CTNNA2: variants seen among roughly 807,000 people sequenced by gnomAD.
The protein encoded by CTNNA2 is catenin alpha 2.
CTNNA2 carries 42 observed loss-of-function variants against 101.0 expected under a neutral mutation model. That is an observed-to-expected ratio of 0.42 (90% CI 0.32 to 0.54). The LOEUF is 0.54. CTNNA2 is among the 20% of genes least tolerant of loss of function. CTNNA2 has a pLI of 0.14. For synonymous variants in CTNNA2, 450 were observed against 456.4 expected, an observed-to-expected ratio of 0.99 and a Z score of 0.18; for missense variants, 871 against 1,223.1, an observed-to-expected ratio of 0.71 and a Z score of 4.29.
chr2:79,672,910 G>A (rs571687225), intron 2 of CTNNA2, among the ~76,000 whole-genome samples: 5 of 151,980 alleles, frequency 3.3e-5, no homozygotes, highest in South Asian at 2.1e-4. Flanking sequence ...AGGTTTCCAT[G>A]TAGGCCAGGC....
intron 2 of CTNNA2, among the ~76,000 whole-genome samples, chr2:79,272,074 C>A (rs1041437690): frequency 6.6e-6 from 1 of 151,968 alleles, no homozygotes; most frequent in African/African-American, 2.4e-5. Flanking sequence ...GCCAACTATG[C>A]CTTAGGTCCT....
At chr2:79,269,083 T>A (rs745660824) in intron 2 of CTNNA2, among the ~76,000 whole-genome samples, 1 of 152,108 alleles carries the variant, frequency 6.6e-6, no homozygotes, top group Admixed American at 6.6e-5. Flanking sequence ...TAGAAATTGA[T>A]GCTGGACTGC....
chr2:79,835,418 T>G (rs542051824), intron 3 of CTNNA2, among the ~76,000 whole-genome samples: 2 of 152,274 alleles, frequency 1.3e-5, no homozygotes, highest in South Asian at 4.2e-4. Context: ...CGTTGAGTCT[T>G]CTTTTAGAAG....
chr2:79,488,337 A>T (rs1199865913), intron 4 of CTNNA2, among the ~76,000 whole-genome samples: 8 of 151,056 alleles, frequency 5.3e-5, no homozygotes, highest in African/African-American at 2.0e-4. Flanking sequence ...AAAAAAAAAA[A>T]AAAAAACACA....
intron 2 of CTNNA2, among the ~76,000 whole-genome samples, chr2:79,277,214 C>A (rs556961009): frequency 6.6e-6 from 1 of 152,060 alleles, no homozygotes; most frequent in Non-Finnish European, 1.5e-5. Context: ...AGATGTCAAG[C>A]GGCTTAAAGG....
intron 7 of CTNNA2, among the ~76,000 whole-genome samples, chr2:80,218,560 G>C (rs542118397): frequency 6.6e-6 from 1 of 152,342 alleles, no homozygotes; most frequent in African/African-American, 2.4e-5. Flanking sequence ...ATTCAGCTCT[G>C]ATATGATTAG....
At chr2:80,603,123 T>G (rs1697699976) in intron 15 of CTNNA2, among the ~76,000 whole-genome samples, 1 of 152,074 alleles carries the variant, frequency 6.6e-6, no homozygotes, top group Non-Finnish European at 1.5e-5. Flanking sequence ...TCTTACAGCC[T>G]TAAAAAACAC....
chr2:80,109,763 A>G (rs1195305534), intron 7 of CTNNA2, among the ~76,000 whole-genome samples: 1 of 152,040 alleles, frequency 6.6e-6, no homozygotes, highest in Non-Finnish European at 1.5e-5. Flanking sequence ...TCTTCTGAGA[A>G]CTGAGTTGGA....
intron 9 of CTNNA2, among the ~76,000 whole-genome samples, chr2:80,495,797 G>T (rs570080101): frequency 2.6e-5 from 4 of 151,904 alleles, no homozygotes; most frequent in Non-Finnish European, 4.4e-5. Flanking sequence ...AAAATTAGCC[G>T]GGCATGGTGG....
chr2:80,480,111 A>T (rs1238332436), intron 9 of CTNNA2, among the ~76,000 whole-genome samples: 2 of 152,152 alleles, frequency 1.3e-5, no homozygotes, highest in Non-Finnish European at 2.9e-5. Flanking sequence ...AATAAAAAAT[A>T]AAATGTAAAC....
chr2:79,461,942 A>C (rs1196193415), intron 4 of CTNNA2, among the ~76,000 whole-genome samples: 1 of 152,022 alleles, frequency 6.6e-6, no homozygotes, highest in African/African-American at 2.4e-5. Flanking sequence ...ACAGTAGCAA[A>C]AATTTTTTAA....
intron 7 of CTNNA2, among the ~76,000 whole-genome samples, chr2:79,993,739 T>G (rs1692344697): frequency 6.6e-6 from 1 of 151,996 alleles, no homozygotes; most frequent in African/African-American, 2.4e-5. Context: ...TGCTCAGGAA[T>G]TGGGGAGACA....
In CTNNA2 at chr2:80,382,360, T is replaced by TA. The variant is rs3040573; in HGVS notation, c.1057-10838dup. 2.2e-3 allele frequency among the ~76,000 whole-genome samples: 311 copies of TA among 144,612 alleles called. 5 individuals carry two copies. In the South Asian group the frequency reaches 0.039, roughly 18 times the overall value. 94.9% of individuals were successfully genotyped at this position (144,612 alleles called of 152,430 possible). On this transcript the variant is annotated intron_variant, in intron 7 of 18. Coordinates refer to ENST00000402739, the MANE Select transcript of CTNNA2 (RefSeq NM_001282597.3). ...TTGGGCAGCTGTGCCTTTAATTGGA[T>TA]AAAAAAAAAAAAATGCTCATGACAA...
chr2:80,185,725 G>A (rs1406757967), intron 7 of CTNNA2, among the ~76,000 whole-genome samples: 1 of 152,144 alleles, frequency 6.6e-6, no homozygotes, highest in African/African-American at 2.4e-5. Context: ...CAAAACCTTT[G>A]GTGAATGGCT....
intron 7 of CTNNA2, among the ~76,000 whole-genome samples, chr2:80,364,753 C>A (rs1231374901): frequency 6.6e-6 from 1 of 151,984 alleles, no homozygotes; most frequent in Admixed American, 6.6e-5. Context: ...TGCAGAGAAT[C>A]CTTTTGTTAA....
intron 9 of CTNNA2, among the ~76,000 whole-genome samples, chr2:80,458,854 T>A (rs1179218476): frequency 6.6e-6 from 1 of 152,190 alleles, no homozygotes; most frequent in Non-Finnish European, 1.5e-5. Flanking sequence ...ACAACTTTGA[T>A]GTATAGTCAT....
chr2:80,411,172 A>G (rs560058190), intron 8 of CTNNA2, among the ~76,000 whole-genome samples: 21 of 152,304 alleles, frequency 1.4e-4, no homozygotes, highest in African/African-American at 5.1e-4. Flanking sequence ...ACAATTTACT[A>G]TTTTAAAACA....
intron 9 of CTNNA2, among the ~76,000 whole-genome samples, chr2:80,466,760 C>T (rs1273560585): frequency 1.3e-5 from 2 of 152,092 alleles, no homozygotes; most frequent in Non-Finnish European, 2.9e-5. Context: ...CTTGCTTAGG[C>T]CCCAACAGGA....
At chr2:80,487,949 T>C (rs1435781435) in intron 9 of CTNNA2, among the ~76,000 whole-genome samples, 2 of 152,234 alleles carry the variant, frequency 1.3e-5, no homozygotes, top group East Asian at 3.8e-4. Context: ...ATTTTCATTG[T>C]ATAGAAGTTC....
Sources: allele counts gnomAD v4.1 joint callset (sites outside exome capture counted in the v4.1 genomes callset), GRCh38; gene constraint gnomAD v4.1.1; transcripts MANE v1.5; gene names NCBI Gene and HGNC (gene_info 2026-07-23, HGNC 2026-07-21).